Variants in FRMPD4 observed in about 807,000 individuals in gnomAD.
FRMPD4 encodes FERM and PDZ domain containing 4.
A neutral mutation model predicts 94.1 loss-of-function variants in FRMPD4; 22 were observed. The observed-to-expected ratio is 0.23, with a 90% CI of 0.17 to 0.33. FRMPD4 has a LOEUF of 0.33. FRMPD4 is among the 10% of genes least tolerant of loss of function. FRMPD4 has a pLI of 1.00. For synonymous variants in FRMPD4, 631 were observed against 548.6 expected, an observed-to-expected ratio of 1.15 and a Z score of -2.10; for missense variants, 1,111 against 1,339.9, an observed-to-expected ratio of 0.83 and a Z score of 2.67.
chrX:12,418,727 G>T (rs1207444754), intron 1 of FRMPD4, among the ~76,000 whole-genome samples: 2 of 111,502 alleles, frequency 1.8e-5, no homozygotes, highest in African/African-American at 6.5e-5. Flanking sequence ...AAGCATAGAA[G>T]AAAACTGCTG....
At chrX:12,298,777 G>A (rs775784359) in intron 1 of FRMPD4, among the ~76,000 whole-genome samples, 5 of 112,145 alleles carry the variant, frequency 4.5e-5, no homozygotes, top group Non-Finnish European at 9.4e-5. Context: ...TTATAAAAAC[G>A]AGAGCATCCA....
rs2042084763 is a variant in FRMPD4, at chrX:12,716,429, A to T, written c.1970A>T (p.Asp657Val). Residue 657 changes from aspartate to valine, a missense_variant, in exon 15 of 17, where the codon GAC (aspartate) becomes GTC (valine). Transcript: ENST00000675598. ...GCTAAAGTGTCCTTTATTTTTGGAG[A>T]CTTCGCCTTGGATGATGGTATTAGT... Reference protein sequence around the residue: ...RGAKVSFIFGDFALDDGISPP... With the variant: ...RGAKVSFIFGVFALDDGISPP... 8.3e-7 allele frequency: 1 copy of T among 1,209,613 alleles called. No individual in the cohort carries two copies. Among genetic ancestry groups the T allele is most frequent in the Non-Finnish European group, 1.1e-6 (1 of 894,056 alleles).
intron 1 of FRMPD4, among the ~76,000 whole-genome samples, chrX:12,269,833 G>A (rs1055004244): frequency 1.8e-5 from 2 of 112,238 alleles, no homozygotes; most frequent in African/African-American, 6.5e-5. Flanking sequence ...AGAGACAGAA[G>A]GTGGAGTCTC....
chrX:12,720,072 A>G (rs754167509), intron 16 of FRMPD4, among the ~76,000 whole-genome samples: 17 of 104,760 alleles, frequency 1.6e-4, no homozygotes, highest in African/African-American at 4.9e-4. Context: ...GAAAGAAAGA[A>G]AGAAAGAAAG....
intron 1 of FRMPD4, among the ~76,000 whole-genome samples, chrX:12,388,850 T>TATATACACAC (rs1491368741): frequency 1.4e-5 from 1 of 73,475 alleles, no homozygotes; most frequent in African/African-American, 6.4e-5. Flanking sequence ...TATATATATA[T>TATATACACAC]ACACACAATG....
At position 11,935,269 on chromosome X, in the gene FRMPD4, G is replaced by GTTTTTTT; in HGVS notation, c.95+57272_95+57278dup. ...TTGTTGTTTTTTTTTTTTTTAATGT[G>GTTTTTTT]TTTTTTTTTTTTTTTTTTTTTTTTT... is the stretch of plus-strand genomic sequence containing the variant. On this transcript the variant is annotated intron_variant, in intron 3 of 18. Transcript: ENST00000640291. Among the ~76,000 whole-genome samples, 40 of 5,011 alleles carry GTTTTTTT rather than the reference G, an allele frequency of 8.0e-3. 12 individuals carry two copies. Among genetic ancestry groups the GTTTTTTT allele is most frequent in the African/African-American group, 8.7e-3 (10 of 1,143 alleles). The allele number at this position is 5,011 out of a possible 115,157, so 4.4% of individuals were successfully genotyped here.
chrX:12,146,129 C>T (rs750137965), intron 1 of FRMPD4, among the ~76,000 whole-genome samples: 6 of 110,828 alleles, frequency 5.4e-5, no homozygotes, highest in Non-Finnish European at 9.5e-5. Flanking sequence ...TTTGGGAGGC[C>T]GAGGTGGGCG....
intron 2 of FRMPD4, among the ~76,000 whole-genome samples, chrX:11,869,893 A>T (rs1237010392): frequency 1.8e-5 from 2 of 111,607 alleles, no homozygotes; most frequent in Non-Finnish European, 3.8e-5. Flanking sequence ...AATTTTGTTC[A>T]GGTCACAAAA....
chrX:12,471,064 A>G (rs1449857443), intron 1 of FRMPD4, among the ~76,000 whole-genome samples: 2 of 112,392 alleles, frequency 1.8e-5, no homozygotes, highest in African/African-American at 6.5e-5. Flanking sequence ...TTTCTCCTGC[A>G]CTTTTCATTA....
intron 1 of FRMPD4, among the ~76,000 whole-genome samples, chrX:12,370,124 A>G (rs901513545): frequency 4.5e-5 from 5 of 111,344 alleles, no homozygotes; most frequent in Non-Finnish European, 9.4e-5. Flanking sequence ...CAATTCACAA[A>G]GAAAGAGAAT....
At chrX:12,022,024 C>T (rs1266779224) in intron 3 of FRMPD4, among the ~76,000 whole-genome samples, 1 of 112,131 alleles carries the variant, frequency 8.9e-6, no homozygotes, top group Admixed American at 9.4e-5. Context: ...TCAGTTTCTT[C>T]CTCCTTGCAT....
At chrX:12,444,683 A>G (rs2057175757) in intron 1 of FRMPD4, among the ~76,000 whole-genome samples, 1 of 111,565 alleles carries the variant, frequency 9.0e-6, no homozygotes, top group Non-Finnish European at 1.9e-5. Context: ...ACATCTGGTG[A>G]GGGTCCTCTT....
chrX:12,168,403 T>C (rs1332219918), intron 1 of FRMPD4, among the ~76,000 whole-genome samples: 2 of 108,821 alleles, frequency 1.8e-5, no homozygotes, highest in African/African-American at 6.7e-5. Context: ...ACTTGCAGTG[T>C]GATCGGAATG....
At chrX:12,418,369 C>CT (rs2056838040) in intron 1 of FRMPD4, among the ~76,000 whole-genome samples, 1 of 56,775 alleles carries the variant, frequency 1.8e-5, no homozygotes, top group Admixed American at 2.2e-4. Flanking sequence ...TTTTTTTTTT[C>CT]TTTTTTTGAG....
rs771737988 is a variant in FRMPD4, at chrX:12,285,944, T to G, written c.41+146932T>G. On this transcript the variant is annotated intron_variant, in intron 1 of 16. Coordinates refer to ENST00000675598, the MANE Select transcript of FRMPD4 (RefSeq NM_001368397.1). ...TTCCTGTCTTGGCCTTTATACTTAA[T>G]AGTGGTGTAAATAGATAAGCACATA... Among the ~76,000 whole-genome samples the G allele has an allele frequency of 3.6e-3, 399 of 112,115 alleles. 1 individual carries two copies. The highest frequency in any genetic ancestry group is 4.6e-3 in the Non-Finnish European group (247 of 53,199).
At chrX:12,010,342 G>A (rs961154348) in intron 3 of FRMPD4, among the ~76,000 whole-genome samples, 17 of 112,084 alleles carry the variant, frequency 1.5e-4, no homozygotes, top group Admixed American at 1.5e-3. Context: ...TCTTGTAAAC[G>A]AAAAATTCTC....
intron 2 of FRMPD4, among the ~76,000 whole-genome samples, chrX:12,499,352 GAA>G (rs2057891569): frequency 8.9e-6 from 1 of 112,070 alleles, no homozygotes; most frequent in Admixed American, 9.5e-5. Flanking sequence ...GAGAGAGAGA[GAA>G]AAAGAGAGAA....
At chrX:12,160,776 T>C (rs1385579167) in intron 1 of FRMPD4, among the ~76,000 whole-genome samples, 1 of 111,459 alleles carries the variant, frequency 9.0e-6, no homozygotes, top group South Asian at 3.8e-4. Flanking sequence ...AGATCAGTTT[T>C]ATATTTCATT....
intron 1 of FRMPD4, among the ~76,000 whole-genome samples, chrX:12,468,300 AAG>A (rs1354547355): frequency 8.9e-6 from 1 of 112,385 alleles, no homozygotes; most frequent in African/African-American, 3.2e-5. Context: ...AATGGTGTCA[AAG>A]AGCTAGAACA....
Sources: allele counts gnomAD v4.1 joint callset (sites outside exome capture counted in the v4.1 genomes callset), GRCh38; gene constraint gnomAD v4.1.1; transcripts MANE v1.5; gene names NCBI Gene and HGNC (gene_info 2026-07-23, HGNC 2026-07-21).